The following MTMR3 variants were observed in gnomAD, a reference collection of about 807,000 sequenced individuals.
The protein encoded by MTMR3 is myotubularin related protein 3.
MTMR3 carries 32 observed loss-of-function variants against 132.4 expected under a neutral mutation model. The observed-to-expected ratio is 0.24, with a 90% CI of 0.18 to 0.32. The LOEUF is 0.32. MTMR3 is among the 10% of genes least tolerant of loss of function. The probability of loss-of-function intolerance (pLI) is 1.00; values close to 1 mark genes in which losing one functional copy is unlikely to be tolerated. For missense variants in MTMR3, 1,216 were observed against 1,489.6 expected, an observed-to-expected ratio of 0.82 and a Z score of 3.02; for synonymous variants, 556 against 550.3, an observed-to-expected ratio of 1.01 and a Z score of -0.14.
chr22:30,003,205 A>T, intron 9 of MTMR3: 1 of 424,554 alleles, frequency 2.4e-6, no homozygotes, highest in Non-Finnish European at 4.2e-6. Context: ...CATTTGAAAC[A>T]GATAAGAAAG....
At chr22:29,944,681 G>T (rs192600401) in intron 1 of MTMR3, among the ~76,000 whole-genome samples, 1 of 152,004 alleles carries the variant, frequency 6.6e-6, no homozygotes, top group African/African-American at 2.4e-5. Context: ...TACTTTGCTC[G>T]GTTATCTTTA....
At chr22:29,917,193 A>G (rs2065325459) in intron 1 of MTMR3, among the ~76,000 whole-genome samples, 1 of 152,214 alleles carries the variant, frequency 6.6e-6, no homozygotes, top group South Asian at 2.1e-4. Context: ...TTTCATATCT[A>G]TTGTTTAAAG....
intron 2 of MTMR3, among the ~76,000 whole-genome samples, chr22:29,965,677 T>G (rs576661898): frequency 6.6e-6 from 1 of 152,286 alleles, no homozygotes; most frequent in Admixed American, 6.5e-5. Flanking sequence ...AGAGCGAGAC[T>G]CTGTCTCAAA....
intron 1 of MTMR3, among the ~76,000 whole-genome samples, chr22:29,928,855 C>A (rs999710376): frequency 6.6e-6 from 1 of 152,050 alleles, no homozygotes; most frequent in Non-Finnish European, 1.5e-5. Flanking sequence ...TTTGCGCCGA[C>A]TTTGTTGAAA....
intron 1 of MTMR3, among the ~76,000 whole-genome samples, chr22:29,904,773 G>T (rs1448089108): frequency 6.6e-6 from 1 of 152,072 alleles, no homozygotes. Context: ...AAGGGGAGTT[G>T]ATTTTAGCAG....
intron 17 of MTMR3, 129 bp downstream of exon 17, chr22:30,021,013 T>A (rs970667987): frequency 1.1e-6 from 1 of 945,354 alleles, no homozygotes; most frequent in African/African-American, 1.7e-5. Flanking sequence ...AGAGTAGCCC[T>A]GTTAAGAGAG....
chr22:30,020,454 C>G lies in MTMR3; in HGVS notation c.2795C>G (p.Pro932Arg), dbSNP rs750967660. 6.2e-7 allele frequency: 1 copy of G among 1,614,050 alleles called. No individual in the cohort carries two copies. The highest frequency in any genetic ancestry group is 1.1e-5 in the South Asian group (1 of 91,088). The part of the protein sequence containing the change: ...CKEGLVCNGA[P>R]ETENRASEQP... ...GAGGGGCTTGTGTGCAATGGTGCCC[C>G]AGAGACTGAAAACAGGGCCTCAGAG... The change falls in exon 17 of 20, where the codon CCA (proline) becomes CGA (arginine). Residue 932 changes from proline (P) to arginine (R), a missense_variant. Transcript: ENST00000401950.
Position 30,027,793 on chromosome 22 carries a change from GAAGTA to G in MTMR3, c.*1995_*1999del, listed in dbSNP as rs1354740083. The G allele has an allele frequency of 3.3e-5, 5 of 152,516 alleles. No homozygotes were observed. Among genetic ancestry groups the G allele is most frequent in the African/African-American group, 1.2e-4 (5 of 41,458 alleles). 9.4% of individuals were successfully genotyped at this position (152,516 alleles called of 1,614,324 possible). On this transcript the variant is annotated 3_prime_UTR_variant, in exon 20 of 20. Coordinates refer to ENST00000401950, the MANE Select transcript of MTMR3 (RefSeq NM_021090.4). Reference sequence around the variant, plus strand: ...TATTTTTCATTTTTTGTCAAAGCAAGAAGTAAATACTTTAGAATTGTTAAATATAT... The same window carrying G: ...TATTTTTCATTTTTTGTCAAAGCAAGAATACTTTAGAATTGTTAAATATAT...
chr22:29,966,939 T>G (rs1017229961), intron 2 of MTMR3, among the ~76,000 whole-genome samples: 3 of 152,130 alleles, frequency 2.0e-5, no homozygotes, highest in Non-Finnish European at 4.4e-5. Context: ...CCCTCAGTAG[T>G]CTTTTATATG....
intron 1 of MTMR3, among the ~76,000 whole-genome samples, chr22:29,913,845 G>A (rs2065260090): frequency 6.6e-6 from 1 of 152,174 alleles, no homozygotes; most frequent in South Asian, 2.1e-4. Context: ...TCCGCCTCCT[G>A]GGTTAAAGCT....
At chr22:29,976,369 C>T (rs2066629912) in intron 3 of MTMR3, among the ~76,000 whole-genome samples, 1 of 151,824 alleles carries the variant, frequency 6.6e-6, no homozygotes. Context: ...GTTTTTCCAT[C>T]AGTTGTTCTT....
chr22:29,949,004 G>C (rs1230021612), intron 1 of MTMR3, among the ~76,000 whole-genome samples: 1 of 151,730 alleles, frequency 6.6e-6, no homozygotes, highest in Non-Finnish European at 1.5e-5. Flanking sequence ...AGGCTGGAGT[G>C]AGAGGATCGC....
intron 1 of MTMR3, among the ~76,000 whole-genome samples, chr22:29,942,046 A>G (rs1451502873): frequency 6.6e-6 from 1 of 152,178 alleles, no homozygotes; most frequent in African/African-American, 2.4e-5. Flanking sequence ...GTTTTTGGAT[A>G]TGTTGACCCT....
chr22:30,016,954 A>C, intron 15 of MTMR3: 1 of 398,346 alleles, frequency 2.5e-6, no homozygotes, highest in South Asian at 4.4e-5. Context: ...CTAGACATGA[A>C]TCTTTTTTGG....
At chr22:29,918,565 T>C (rs1204295183) in intron 1 of MTMR3, among the ~76,000 whole-genome samples, 2 of 152,228 alleles carry the variant, frequency 1.3e-5, no homozygotes, top group African/African-American at 4.8e-5. Context: ...TTATAGGCTC[T>C]GTAGATGTAG....
At chr22:29,958,514 C>G (rs1159943566) in intron 2 of MTMR3, among the ~76,000 whole-genome samples, 1 of 152,170 alleles carries the variant, frequency 6.6e-6, no homozygotes, top group South Asian at 2.1e-4. Context: ...CTCAAATACT[C>G]TCCAAGGTGC....
chr22:29,899,814 TCTTG>T lies in MTMR3; in HGVS notation c.-138+16456_-138+16459del, dbSNP rs796842883. The stretch of plus-strand genomic sequence containing the variant: ...GTAGGTATGCTGCTAATGTTCTGTG[TCTTG>T]ATCTGGATCTTGATTTCATGGTTGT... On this transcript the variant is annotated intron_variant, in intron 1 of 19. Coordinates refer to ENST00000401950, the MANE Select transcript of MTMR3 (RefSeq NM_021090.4). 122 of 152,322 alleles carry T rather than the reference TCTTG, an allele frequency of 8.0e-4. 1 individual carries two copies. Among genetic ancestry groups the T allele is most frequent in the African/African-American group, 2.9e-3 (119 of 41,578 alleles). 9.4% of individuals were successfully genotyped at this position (152,322 alleles called of 1,614,324 possible). A position where few individuals can be genotyped will look rare whatever the true frequency, so the allele number is the denominator to read the frequency against.
intron 1 of MTMR3, among the ~76,000 whole-genome samples, chr22:29,896,735 A>C (rs12710565): frequency 1.6e-4 from 25 of 151,976 alleles, no homozygotes; most frequent in Admixed American, 7.9e-4. Context: ...TAACATAACC[A>C]TTTATTTAAG....
chr22:29,991,813 C>G, intron 7 of MTMR3, 143 bp downstream of exon 7: 1 of 795,818 alleles, frequency 1.3e-6, no homozygotes, highest in Non-Finnish European at 1.8e-6. Flanking sequence ...GCGCAGCATT[C>G]TTTTAAGCTT....
Sources: allele counts gnomAD v4.1 joint callset (sites outside exome capture counted in the v4.1 genomes callset), GRCh38; gene constraint gnomAD v4.1.1; transcripts MANE v1.5; gene names NCBI Gene and HGNC (gene_info 2026-07-23, HGNC 2026-07-21).